Variants in TMEM258 observed in about 807,000 individuals in gnomAD.
TMEM258 encodes the protein transmembrane protein 258.
Under a neutral mutation model 9.9 loss-of-function variants are expected in TMEM258, and 11 were observed. The observed-to-expected ratio is 1.11, with a 90% confidence interval of 0.70 to 1.85. The LOEUF (loss-of-function observed/expected upper bound fraction) is 1.85, where lower values mean the gene tolerates loss of function less well. TMEM258 is among the 40% of genes most tolerant of loss of function. TMEM258 has a pLI of 0.00. For synonymous variants in TMEM258, 40 were observed against 39.1 expected, an observed-to-expected ratio of 1.02 and a Z score of -0.09; for missense variants, 81 against 99.7, an observed-to-expected ratio of 0.81 and a Z score of 0.80.
At chr11:61,790,075 T>C in intron 2 of TMEM258, 154 bp from the exon 3 acceptor site, 1 of 879,100 alleles carries the variant, frequency 1.1e-6, no homozygotes, top group African/African-American at 1.7e-5. Context: ...AGAGATGCCT[T>C]GGACTCTGGT....
chr11:61,790,362 C>T, intron 2 of TMEM258, 131 bp downstream of exon 2: 1 of 822,560 alleles, frequency 1.2e-6, no homozygotes, highest in Non-Finnish European at 2.0e-6. Context: ...ACTAGCCCTC[C>T]TCTCCTCCTT....
intron 1 of TMEM258, 48 bp downstream of exon 1, chr11:61,792,508 C>G (rs764826152): frequency 6.2e-7 from 1 of 1,613,604 alleles, no homozygotes; most frequent in African/African-American, 1.3e-5. Flanking sequence ...GGGTCAGACC[C>G]CGAGGGGTCC....
At position 61,789,958 on chromosome 11, in the gene TMEM258, C is replaced by T. The variant is rs774294300; in HGVS notation, c.114-37G>A. 20 of 1,599,394 alleles carry T rather than the reference C, an allele frequency of 1.3e-5. No homozygotes were observed. In the East Asian group the frequency reaches 2.2e-4, roughly 18 times the overall value. On this transcript the variant is annotated intron_variant, in intron 2 of 3. Transcript: ENST00000537328. The stretch of plus-strand genomic sequence containing the variant: ...AGTTAAGGCAAAGCGAAGGGGTGGA[C>T]TGTGGAGTGCAGAGAGCCCAGCCCA...
chr11:61,790,614 A>G lies in TMEM258; in HGVS notation c.4-12T>C. Reference sequence around the variant, plus strand: ...ATGGCCTCGAGCTCCTAGAGGAGGGAAAGAGATCAGAGCTATCAAAGAATC... The same window carrying G: ...ATGGCCTCGAGCTCCTAGAGGAGGGGAAGAGATCAGAGCTATCAAAGAATC... On this transcript the variant is annotated splice_polypyrimidine_tract_variant and intron_variant, in intron 1 of 3. Coordinates refer to ENST00000537328, the MANE Select transcript of TMEM258 (RefSeq NM_014206.4). 1 of 1,608,362 alleles carries G rather than the reference A, an allele frequency of 6.2e-7. No homozygotes were observed. The highest frequency in any genetic ancestry group is 1.7e-4 in the Middle Eastern group (1 of 6,052).
chr11:61,790,040 C>T, intron 2 of TMEM258, 119 bp from the exon 3 acceptor site: 2 of 1,290,464 alleles, frequency 1.5e-6, no homozygotes, highest in South Asian at 3.1e-5. Flanking sequence ...CTATCTGGCT[C>T]AGAGCAGCCA....
At chr11:61,791,991 TAA>T (rs1158344369) in intron 1 of TMEM258, 2 of 152,710 alleles carry the variant, frequency 1.3e-5, no homozygotes, top group Admixed American at 1.3e-4. Context: ...CCCAAAATGA[TAA>T]AGACAATCAC....
intron 1 of TMEM258, among the ~76,000 whole-genome samples, chr11:61,791,277 ACAGT>A (rs1024456083): frequency 6.1e-5 from 9 of 146,452 alleles, no homozygotes; most frequent in African/African-American, 1.8e-4. Flanking sequence ...TTTTTTCCAG[ACAGT>A]CTTGCTCTAT....
chr11:61,792,267 G>T, intron 1 of TMEM258: 2 of 479,486 alleles, frequency 4.2e-6, no homozygotes, highest in South Asian at 4.4e-5. Flanking sequence ...GCACGGGTTC[G>T]GCAGAAGAAC....
intron 1 of TMEM258, chr11:61,792,145 G>A (rs1488968457): frequency 1.2e-4 from 22 of 176,154 alleles, no homozygotes. Context: ...TCCATGGAAC[G>A]TGGCCAGAGA....
chr11:61,790,468 C>T (rs1454041442), intron 2 of TMEM258, 25 bp downstream of exon 2: 1 of 1,602,538 alleles, frequency 6.2e-7, no homozygotes, highest in Non-Finnish European at 8.5e-7. Flanking sequence ...AATGCTGGTC[C>T]TCTGGCTGCT....
At chr11:61,792,209 T>A in intron 1 of TMEM258, 3 of 325,044 alleles carry the variant, frequency 9.2e-6, no homozygotes, top group Non-Finnish European at 1.8e-5. Flanking sequence ...TGCCTGAGAG[T>A]TGGAAGTGCT....
intron 1 of TMEM258, 139 bp from the exon 2 acceptor site, chr11:61,790,741 G>C: frequency 1.5e-6 from 1 of 653,686 alleles, no homozygotes; most frequent in Non-Finnish European, 2.6e-6. Context: ...CAGATCAATG[G>C]CCCTTATTAG....
rs955127171 is a variant in TMEM258 at position 61,789,213 on chromosome 11, C to CT, written c.*32_*33insA. 2.6e-5 allele frequency: 4 copies of CT among 152,634 alleles called. No individual in the cohort carries two copies. The highest frequency in any genetic ancestry group is 9.6e-5 in the African/African-American group (4 of 41,452). The allele number at this position is 152,634 out of a possible 1,614,324, so 9.5% of individuals were successfully genotyped here. On this transcript the variant is annotated 3_prime_UTR_variant, in exon 4 of 4. Coordinates refer to ENST00000537328, the MANE Select transcript of TMEM258 (RefSeq NM_014206.4). ...AAAAGTAATTTACAAAAGCAGGTTT[C>CT]AGTGAAGCCATCTGGTTGTTACCTA... is the stretch of plus-strand genomic sequence containing the variant.
In TMEM258 at chr11:61,789,801, G is replaced by T. The variant is rs530857050; in HGVS notation, c.234C>A (p.Tyr78Ter). ...AGCTCTTACCCTTGGGTGCTCACAC[G>T]TAGATGCCAACCCAGAGCAGCAGGA... ...VLFLLLWVGI[Y>*]V is the part of the protein sequence containing the mutation. The change falls in exon 3 of 4, where the codon TAC (tyrosine) becomes TAA (stop). Residue 78 changes from tyrosine to a stop codon, truncating the protein, a stop_gained. Coordinates refer to ENST00000537328, the MANE Select transcript of TMEM258 (RefSeq NM_014206.4). LOFTEE classifies it high-confidence loss of function. 1.2e-6 allele frequency: 2 copies of T among 1,612,574 alleles called. No homozygotes were observed. Among genetic ancestry groups the T allele is most frequent in the Non-Finnish European group, 1.7e-6 (2 of 1,179,310 alleles).
At chr11:61,792,144 C>G (rs914663465) in intron 1 of TMEM258, 1 of 176,206 alleles carries the variant, frequency 5.7e-6, no homozygotes, top group African/African-American at 2.4e-5. Flanking sequence ...GTCCATGGAA[C>G]GTGGCCAGAG....
chr11:61,791,880 T>C (rs774603698), intron 1 of TMEM258: 4 of 152,278 alleles, frequency 2.6e-5, no homozygotes, highest in Non-Finnish European at 5.9e-5. Context: ...GGTCAGCCAA[T>C]GCTTCTAAAA....
At chr11:61,792,176 G>T in intron 1 of TMEM258, 1 of 302,688 alleles carries the variant, frequency 3.3e-6, no homozygotes, top group Non-Finnish European at 6.5e-6. Context: ...GGCTGTGGGC[G>T]CTCCTAGGAA....
chr11:61,790,031 T>C, intron 2 of TMEM258, 110 bp from the exon 3 acceptor site: 1 of 1,393,194 alleles, frequency 7.2e-7, no homozygotes, highest in Non-Finnish European at 9.6e-7. Context: ...CTGGGAGGCC[T>C]ATCTGGCTCA....
intron 2 of TMEM258, chr11:61,790,165 C>T: frequency 1.7e-6 from 1 of 577,664 alleles, no homozygotes. Context: ...AGGGCCGGAG[C>T]TGGGACTAGC....
Sources: allele counts gnomAD v4.1 joint callset (sites outside exome capture counted in the v4.1 genomes callset), GRCh38; gene constraint gnomAD v4.1.1; transcripts MANE v1.5; gene names NCBI Gene and HGNC (gene_info 2026-07-23, HGNC 2026-07-21).